Variants in AKT3 observed in about 807,000 individuals in gnomAD.
AKT3 encodes RAC-gamma serine/threonine-protein kinase.
In AKT3, 15 loss-of-function variants were observed where a neutral mutation model predicts 65.3. The ratio of observed to expected loss-of-function variants is 0.23; its 90% confidence interval spans 0.15 to 0.35. AKT3 has a LOEUF of 0.35. Ranked by LOEUF, AKT3 falls within the 10% of genes least tolerant of loss-of-function variation. The pLI is 1.00. For missense variants in AKT3, 243 were observed against 576.5 expected (o/e 0.42, Z 5.92); for synonymous variants, 206 against 183.8 (o/e 1.12, Z -0.98).
At chr1:243,685,211 A>C (rs577479115) in intron 3 of AKT3, among the ~76,000 whole-genome samples, 1 of 152,254 alleles carries the variant, frequency 6.6e-6, no homozygotes, top group South Asian at 2.1e-4. Context: ...GGTGTTTTAG[A>C]CATGAAGTCT....
chr1:243,771,731 T>C (rs141998419), intron 2 of AKT3, among the ~76,000 whole-genome samples: 1 of 152,236 alleles, frequency 6.6e-6, no homozygotes, highest in East Asian at 1.9e-4. Flanking sequence ...ACAAGCAGAA[T>C]GGTCTCATGT....
chr1:243,729,114 T>A (rs1355280868), intron 2 of AKT3, among the ~76,000 whole-genome samples: 3 of 152,150 alleles, frequency 2.0e-5, no homozygotes, highest in African/African-American at 7.2e-5. Context: ...GAAATCCAAA[T>A]AAACTAGAGT....
intron 8 of AKT3, among the ~76,000 whole-genome samples, chr1:243,588,529 C>A (rs535772970): frequency 6.6e-6 from 1 of 152,088 alleles, no homozygotes; most frequent in Non-Finnish European, 1.5e-5. Flanking sequence ...CAGTAACTCA[C>A]GTAAAACTCA....
intron 4 of AKT3, among the ~76,000 whole-genome samples, chr1:243,656,354 C>A (rs144404102): frequency 6.6e-6 from 1 of 152,186 alleles, no homozygotes; most frequent in Non-Finnish European, 1.5e-5. Flanking sequence ...ATGTCTAATA[C>A]ATGTGTGCTA....
chr1:243,676,567 A>G (rs926334429), intron 3 of AKT3, among the ~76,000 whole-genome samples: 2 of 152,162 alleles, frequency 1.3e-5, no homozygotes, highest in Non-Finnish European at 2.9e-5. Flanking sequence ...ATACTGCCTC[A>G]TCCTCAAGAT....
At chr1:243,810,676 TG>T (rs1181875083) in intron 2 of AKT3, among the ~76,000 whole-genome samples, 1 of 152,226 alleles carries the variant, frequency 6.6e-6, no homozygotes, top group Admixed American at 6.5e-5. Flanking sequence ...ACTCATTTTA[TG>T]AGGCCAGCAT....
chr1:243,818,006 T>C (rs1166290143), intron 2 of AKT3: 1 of 152,216 alleles, frequency 6.6e-6, no homozygotes, highest in Non-Finnish European at 1.5e-5. Flanking sequence ...TATATTCTCA[T>C]TCTTTGCTTC....
At chr1:243,700,303 T>C (rs1366111394) in intron 2 of AKT3, among the ~76,000 whole-genome samples, 2 of 152,172 alleles carry the variant, frequency 1.3e-5, no homozygotes, top group East Asian at 3.9e-4. Flanking sequence ...AGAAACTGTT[T>C]GCTAGAATTC....
At chr1:243,750,673 C>A (rs12139868) in intron 2 of AKT3, among the ~76,000 whole-genome samples, 7,800 of 151,856 alleles carry the variant, frequency 0.051, 268 homozygotes, top group Non-Finnish European at 0.07. Context: ...ACTCTGCCTC[C>A]TGGGTTCAAG....
In AKT3 at chr1:243,507,965, C is replaced by T. The variant is rs575624822; in HGVS notation, c.1355-2631G>A. 3.4e-4 allele frequency among the ~76,000 whole-genome samples: 52 copies of T among 152,300 alleles called. 1 individual carries two copies. The highest frequency in any genetic ancestry group is 1.2e-3 in the African/African-American group (48 of 41,562). On this transcript the variant is annotated intron_variant, in intron 13 of 13. Transcript: ENST00000673466. ...GTAGAAAATGGAACATTTTGCCTTT[C>T]TAACTGCTGATTTGTTCTAAACAAT... is the stretch of plus-strand genomic sequence containing the variant.
At chr1:243,640,382 GAAGGGGTGGAGTCAACTTTCTCTCT>G (rs1680283549) in intron 5 of AKT3, among the ~76,000 whole-genome samples, 1 of 152,168 alleles carries the variant, frequency 6.6e-6, no homozygotes, top group South Asian at 2.1e-4. Context: ...CTCTTCCCAT[GAAGGGGTGGAGTCAACTTTCTCTCT>G]CCCCGGGCTA....
At chr1:243,809,080 C>A (rs1475145497) in intron 2 of AKT3, among the ~76,000 whole-genome samples, 1 of 152,122 alleles carries the variant, frequency 6.6e-6, no homozygotes, top group Non-Finnish European at 1.5e-5. Context: ...CAAAAACATG[C>A]CAAATTGTAA....
intron 2 of AKT3, among the ~76,000 whole-genome samples, chr1:243,736,571 G>C (rs1687853971): frequency 6.6e-6 from 1 of 152,152 alleles, no homozygotes; most frequent in African/African-American, 2.4e-5. Flanking sequence ...AACAGCTATA[G>C]AGGTATTTTG....
At chr1:243,810,825 C>T (rs2148396644) in intron 2 of AKT3, among the ~76,000 whole-genome samples, 1 of 152,270 alleles carries the variant, frequency 6.6e-6, no homozygotes, top group South Asian at 2.1e-4. Flanking sequence ...AAAGCTTATC[C>T]ACCATGATCA....
intron 3 of AKT3, among the ~76,000 whole-genome samples, chr1:243,675,610 C>T (rs199650286): frequency 6.6e-6 from 1 of 152,260 alleles, no homozygotes; most frequent in Admixed American, 6.5e-5. Context: ...ATCTACAAGG[C>T]TGGCCTTTGT....
At chr1:243,754,842 T>A (rs1329944448) in intron 2 of AKT3, among the ~76,000 whole-genome samples, 1 of 152,054 alleles carries the variant, frequency 6.6e-6, no homozygotes, top group African/African-American at 2.4e-5. Flanking sequence ...ACAGCTGACC[T>A]CACGGGCAGA....
At chr1:243,542,483 C>CA (rs1490058141) in intron 12 of AKT3, among the ~76,000 whole-genome samples, 1 of 152,090 alleles carries the variant, frequency 6.6e-6, no homozygotes, top group Non-Finnish European at 1.5e-5. Flanking sequence ...CTAGATGTGC[C>CA]ATCACCTCTC....
At chr1:243,541,008 A>T (rs927771608) in intron 12 of AKT3, among the ~76,000 whole-genome samples, 2 of 152,304 alleles carry the variant, frequency 1.3e-5, no homozygotes, top group African/African-American at 4.8e-5. Flanking sequence ...CACTTGGTTA[A>T]AACTGTGTTT....
chr1:243,670,537 C>T (rs138612548), intron 3 of AKT3, among the ~76,000 whole-genome samples: 1 of 152,226 alleles, frequency 6.6e-6, no homozygotes, highest in African/African-American at 2.4e-5. Flanking sequence ...AGATTCCCAA[C>T]GCAAGGTAGG....
Sources: allele counts gnomAD v4.1 joint callset (sites outside exome capture counted in the v4.1 genomes callset), GRCh38; gene constraint gnomAD v4.1.1; transcripts MANE v1.5; gene names NCBI Gene and HGNC (gene_info 2026-07-23, HGNC 2026-07-21).